Variants in SEMA3A observed in about 807,000 individuals in gnomAD.
SEMA3A encodes the protein semaphorin 3A, also known as semaphorin-3A.
SEMA3A carries 29 observed loss-of-function variants against 97.9 expected under a neutral mutation model. The ratio of observed to expected loss-of-function variants is 0.30; its 90% CI spans 0.22 to 0.40. The LOEUF (loss-of-function observed/expected upper bound fraction) is 0.40, where lower values mean the gene tolerates loss of function less well. Among genes scored for constraint, SEMA3A ranks in the 10% least tolerant of loss-of-function variants. The probability of loss-of-function intolerance (pLI) is 1.00; values close to 1 mark genes in which losing one functional copy is unlikely to be tolerated. For missense variants in SEMA3A, 763 were observed against 951.3 expected, an observed-to-expected ratio of 0.80 and a Z score of 2.60; for synonymous variants, 321 against 323.7, an observed-to-expected ratio of 0.99 and a Z score of 0.09.
chr7:84,009,335 C>T (rs563344220), intron 9 of SEMA3A, among the ~76,000 whole-genome samples: 19 of 152,052 alleles, frequency 1.2e-4, no homozygotes, highest in African/African-American at 4.3e-4. Context: ...TCTTTTTTTC[C>T]AAAGGGAAGA....
At chr7:84,220,844 T>C (rs1487567355) in intron 3 of SEMA3A, among the ~76,000 whole-genome samples, 1 of 152,256 alleles carries the variant, frequency 6.6e-6, no homozygotes, top group African/African-American at 2.4e-5. Flanking sequence ...AGCATGATTC[T>C]TAAGGGTCCT....
At chr7:84,135,948 T>C (rs1796110127) in intron 1 of SEMA3A, among the ~76,000 whole-genome samples, 2 of 152,220 alleles carry the variant, frequency 1.3e-5, no homozygotes, top group Admixed American at 6.5e-5. Flanking sequence ...TATACTTTAG[T>C]GACAGGAACA....
chr7:84,354,336 A>T (rs1438506009), intron 2 of SEMA3A, among the ~76,000 whole-genome samples: 1 of 151,720 alleles, frequency 6.6e-6, no homozygotes, highest in African/African-American at 2.4e-5. Flanking sequence ...TTAATAAAAA[A>T]AGTCTTATTT....
In SEMA3A at chr7:83,959,205, C is replaced by T. The variant is rs1300957969; in HGVS notation, c.*2166G>A. 6.6e-6 allele frequency: 1 copy of T among 152,032 alleles called. No individual in the cohort carries two copies. The highest frequency in any genetic ancestry group is 2.4e-5 in the African/African-American group (1 of 41,444). The allele number at this position is 152,032 out of a possible 1,614,324, so 9.4% of individuals were successfully genotyped here. On this transcript the variant is annotated 3_prime_UTR_variant, in exon 17 of 17. Coordinates refer to ENST00000265362, the MANE Select transcript of SEMA3A (RefSeq NM_006080.3). The stretch of plus-strand genomic sequence containing the variant: ...CTTCTATAAATTTATCATATAATCT[C>T]TATCCCTTCAAATCCTTTATTTCTG...
chr7:84,159,720 AAAAT>A lies in SEMA3A; in HGVS notation c.113-24773_113-24770del, dbSNP rs1796967277. 2.0e-5 allele frequency among the ~76,000 whole-genome samples: 3 copies of A among 152,186 alleles called. No homozygotes were observed. The South Asian group carries it at 6.2e-4, about 32-fold the overall frequency. ...TCAATCACAGAATAAACCATAAAAA[AAAAT>A]AGTTAGACCCTTAGCTCTTGATGCA... On this transcript the variant is annotated intron_variant, in intron 1 of 16. Transcript: ENST00000265362.
chr7:84,392,806 A>T lies in SEMA3A; in HGVS notation c.-245-20906T>A, dbSNP rs368947620. Among the ~76,000 whole-genome samples the T allele has an allele frequency of 7.1e-4, 108 of 152,236 alleles. 1 individual carries two copies. The highest frequency in any genetic ancestry group is 2.4e-3 in the African/African-American group (100 of 41,570). On this transcript the variant is annotated intron_variant, in intron 1 of 3. Transcript: ENST00000424555. ...TCTTAATGATTAGGTATGTCAAACA[A>T]CTTTTCTTGAATCTGTTAGCCATTT...
At chr7:84,073,387 A>T (rs1285367392) in intron 4 of SEMA3A, among the ~76,000 whole-genome samples, 1 of 152,108 alleles carries the variant, frequency 6.6e-6, no homozygotes, top group Non-Finnish European at 1.5e-5. Context: ...AGCACCAGCA[A>T]AATTTCCAAA....
chr7:84,021,081 A>G (rs560449866), intron 6 of SEMA3A, among the ~76,000 whole-genome samples: 1 of 152,340 alleles, frequency 6.6e-6, no homozygotes, highest in African/African-American at 2.4e-5. Flanking sequence ...TTGGCTCCCA[A>G]GTTTTTTAGC....
At chr7:84,242,178 A>G (rs923305748) in intron 3 of SEMA3A, among the ~76,000 whole-genome samples, 9 of 152,128 alleles carry the variant, frequency 5.9e-5, no homozygotes, top group African/African-American at 1.7e-4. Flanking sequence ...AGTCAATGGT[A>G]GTTTGATGGG....
intron 4 of SEMA3A, among the ~76,000 whole-genome samples, chr7:84,086,957 T>A (rs1308550726): frequency 1.3e-5 from 2 of 152,106 alleles, no homozygotes; most frequent in Non-Finnish European, 2.9e-5. Flanking sequence ...TGATTTTCTT[T>A]CAAGAGTCTT....
chr7:84,233,947 C>T (rs1462258247), intron 3 of SEMA3A, among the ~76,000 whole-genome samples: 1 of 151,672 alleles, frequency 6.6e-6, no homozygotes, highest in African/African-American at 2.4e-5. Context: ...ATTTTGACTA[C>T]CATGTGAATC....
chr7:84,130,043 C>T lies in SEMA3A; in HGVS notation c.271-858G>A, dbSNP rs1280901892. 2.0e-5 allele frequency among the ~76,000 whole-genome samples: 3 copies of T among 151,728 alleles called. No homozygotes were observed. In the South Asian group the frequency reaches 6.2e-4, roughly 31 times the overall value. ...TCTCATTTGATTTTAATATAAAATCCCCTGAGCAATTCCAATGACTCCTAT... is the reference window on the plus strand; with the variant it reads ...TCTCATTTGATTTTAATATAAAATCTCCTGAGCAATTCCAATGACTCCTAT... On this transcript the variant is annotated intron_variant, in intron 2 of 16. Coordinates refer to ENST00000265362, the MANE Select transcript of SEMA3A (RefSeq NM_006080.3).
intron 1 of SEMA3A, among the ~76,000 whole-genome samples, chr7:84,487,171 T>C (rs1354791615): frequency 6.6e-6 from 1 of 152,160 alleles, no homozygotes; most frequent in African/African-American, 2.4e-5. Context: ...ATATTTAATA[T>C]TAAGCAGGGC....
intron 1 of SEMA3A, among the ~76,000 whole-genome samples, chr7:84,486,613 A>G (rs1479163125): frequency 6.6e-6 from 1 of 152,132 alleles, no homozygotes; most frequent in East Asian, 1.9e-4. Context: ...ATTCACACAA[A>G]TGTTGCATGA....
chr7:84,154,504 C>T (rs1285836229), intron 1 of SEMA3A, among the ~76,000 whole-genome samples: 2 of 151,610 alleles, frequency 1.3e-5, no homozygotes, highest in African/African-American at 4.9e-5. Flanking sequence ...GTTGAAACCC[C>T]GTCTCTACTA....
intron 2 of SEMA3A, among the ~76,000 whole-genome samples, chr7:84,131,842 G>C (rs13228652): frequency 0.23 from 35,571 of 151,794 alleles, 4,375 homozygotes; most frequent in African/African-American, 0.31. Context: ...GCCCAGGCTG[G>C]AATGCAGTGG....
chr7:84,353,348 A>G (rs1304894997), intron 2 of SEMA3A, among the ~76,000 whole-genome samples: 1 of 151,660 alleles, frequency 6.6e-6, no homozygotes. Flanking sequence ...AAATATGTAT[A>G]CCCATACACA....
chr7:84,151,948 C>T (rs1340973186), intron 1 of SEMA3A, among the ~76,000 whole-genome samples: 3 of 151,830 alleles, frequency 2.0e-5, no homozygotes, highest in Non-Finnish European at 4.4e-5. Context: ...AAAATGCTCA[C>T]CATCACTGGC....
chr7:84,083,104 A>AT (rs947765627), intron 4 of SEMA3A, among the ~76,000 whole-genome samples: 14 of 151,564 alleles, frequency 9.2e-5, no homozygotes, highest in Admixed American at 5.9e-4. Context: ...AAATTAATTA[A>AT]TTTTTTTTGG....
Sources: allele counts gnomAD v4.1 joint callset (sites outside exome capture counted in the v4.1 genomes callset), GRCh38; gene constraint gnomAD v4.1.1; transcripts MANE v1.5; gene names NCBI Gene and HGNC (gene_info 2026-07-23, HGNC 2026-07-21).